Variants in AGPAT5 observed in about 807,000 individuals in gnomAD.
AGPAT5 encodes 1-acylglycerol-3-phosphate O-acyltransferase 5, also known as 1-acyl-sn-glycerol-3-phosphate acyltransferase epsilon.
Under a neutral mutation model 45.6 loss-of-function variants are expected in AGPAT5, and 46 were observed. The observed-to-expected ratio is 1.01, with a 90% confidence interval of 0.80 to 1.29. The LOEUF is 1.29. Ranked by LOEUF, AGPAT5 falls within the 50% of genes most tolerant of loss-of-function variation. The probability of loss-of-function intolerance (pLI) is 0.00; values close to 1 mark genes in which losing one functional copy is unlikely to be tolerated. For missense variants in AGPAT5, 673 were observed against 450.7 expected (o/e 1.49, Z -4.47); for synonymous variants, 272 against 167.0 (o/e 1.63, Z -4.85).
intron 5 of AGPAT5, among the ~76,000 whole-genome samples, chr8:6,742,232 G>C (rs576340507): frequency 4.4e-4 from 67 of 152,276 alleles, no homozygotes; most frequent in African/African-American, 1.6e-3. Flanking sequence ...AAATCTGTGT[G>C]AGGATTAGAT....
At chr8:6,742,174 G>A (rs1801263938) in intron 5 of AGPAT5, among the ~76,000 whole-genome samples, 1 of 152,114 alleles carries the variant, frequency 6.6e-6, no homozygotes. Context: ...ATGTTGCTGA[G>A]CTTGCTTCTT....
In AGPAT5 at chr8:6,757,377, A is replaced by G. The variant is rs776625931; in HGVS notation, c.1084A>G (p.Ile362Val). Reference sequence around the variant, plus strand: ...CCTACTTGGCTGCCTGTGGGTTACTATTAAAGCATAGACAAGTAGCTGTCT... The same window carrying G: ...CCTACTTGGCTGCCTGTGGGTTACTGTTAAAGCATAGACAAGTAGCTGTCT... Reference protein sequence around the residue: ...GTLLGCLWVTIKA With the variant: ...GTLLGCLWVTVKA Residue 362 changes from isoleucine (I) to valine (V), a missense_variant, in exon 8 of 8, where the codon ATT (isoleucine) becomes GTT (valine). Physicochemically the swap from Ile to Val is conservative, Grantham distance 29. Coordinates refer to ENST00000285518, the MANE Select transcript of AGPAT5 (RefSeq NM_018361.5). 2.0e-5 allele frequency: 33 copies of G among 1,613,932 alleles called. No homozygotes were observed. In the South Asian group the frequency reaches 2.6e-4, roughly 13 times the overall value.
In AGPAT5 at chr8:6,716,547, T is replaced by G. The variant is rs368744643; in HGVS notation, c.219+7660T>G. Among the ~76,000 whole-genome samples, 307 of 150,868 alleles carry G rather than the reference T, an allele frequency of 2.0e-3. 11 individuals carry two copies. In the South Asian group the frequency reaches 0.061, roughly 30 times the overall value. On this transcript the variant is annotated intron_variant, in intron 1 of 7. Coordinates refer to ENST00000285518, the MANE Select transcript of AGPAT5 (RefSeq NM_018361.5). Reference sequence around the variant, plus strand: ...ACCCTGTCTCAAAAGAAAAAAAAGGTAAAAGGGCCAGGTGCGGAGGCTCAC... The same window carrying G: ...ACCCTGTCTCAAAAGAAAAAAAAGGGAAAAGGGCCAGGTGCGGAGGCTCAC...
rs1038162999 is a variant in AGPAT5, at chr8:6,758,750, G to A, written c.*1362G>A. The A allele has an allele frequency of 6.5e-6, 1 of 152,752 alleles. No homozygotes were observed. Among genetic ancestry groups the A allele is most frequent in the South Asian group, 2.1e-4 (1 of 4,830 alleles). The allele number at this position is 152,752 out of a possible 1,614,324, so 9.5% of individuals were successfully genotyped here. ...TTAGCCATGGAACAATATATCCCAT[G>A]GGAGAAGACCTTTCAGTGTGAACTG... On this transcript the variant is annotated 3_prime_UTR_variant, in exon 8 of 8. Coordinates refer to ENST00000285518, the MANE Select transcript of AGPAT5 (RefSeq NM_018361.5).
rs1261244875 is a variant in AGPAT5 at position 6,730,515 on chromosome 8, A to G, written c.290-196A>G. On this transcript the variant is annotated intron_variant, in intron 2 of 7. Transcript: ENST00000285518. ...CCGGCTAATTTTTTGTATTTTTAGT[A>G]GAGACGGGGTTTCACCGTGTTAGCC... 7.8e-5 allele frequency among the ~76,000 whole-genome samples: 3 copies of G among 38,608 alleles called. 1 individual carries two copies. Among genetic ancestry groups the G allele is most frequent in the Non-Finnish European group, 1.2e-4 (3 of 25,138 alleles). 25.3% of individuals were successfully genotyped at this position (38,608 alleles called of 152,430 possible).
At chr8:6,744,973 A>G (rs1326917526) in intron 5 of AGPAT5, among the ~76,000 whole-genome samples, 2 of 152,224 alleles carry the variant, frequency 1.3e-5, no homozygotes, top group East Asian at 3.8e-4. Context: ...CAGCCGAGCC[A>G]AGTCTGTGTG....
intron 1 of AGPAT5, chr8:6,709,394 A>G (rs1253861353): frequency 1.3e-5 from 2 of 158,462 alleles, no homozygotes; most frequent in Admixed American, 6.1e-5. Flanking sequence ...GCCTAACTAG[A>G]TACATTTCTT....
chr8:6,741,691 A>G lies in AGPAT5; in HGVS notation c.526A>G (p.Arg176Gly), dbSNP rs201487623. The G allele has an allele frequency of 1.2e-6, 2 of 1,611,328 alleles. No individual in the cohort carries two copies. The highest frequency in any genetic ancestry group is 1.7e-6 in the Non-Finnish European group (2 of 1,178,826). ...TCTTGTGATTTTTCCAGAAGGTACAAGGTATAATCCAGAGCAAACAAAAGT... is the reference window on the plus strand; with the variant it reads ...TCTTGTGATTTTTCCAGAAGGTACAGGGTATAATCCAGAGCAAACAAAAGT... Reference protein sequence around the residue: ...MYLVIFPEGTRYNPEQTKVLS... With the variant: ...MYLVIFPEGTGYNPEQTKVLS... Residue 176 changes from arginine to glycine, a missense_variant, in exon 5 of 8, where the codon AGG becomes GGG. Transcript: ENST00000285518.
intron 1 of AGPAT5, among the ~76,000 whole-genome samples, chr8:6,720,596 G>A (rs1800466327): frequency 6.6e-6 from 1 of 152,160 alleles, no homozygotes; most frequent in Non-Finnish European, 1.5e-5. Context: ...TTCTGCCACT[G>A]AGAAGAAGGA....
rs115360685 is a variant in AGPAT5, at chr8:6,734,307, G to C, written c.495+1657G>C. On this transcript the variant is annotated intron_variant, in intron 4 of 7. Coordinates refer to ENST00000285518, the MANE Select transcript of AGPAT5 (RefSeq NM_018361.5). Reference sequence around the variant, plus strand: ...CGCCCCCTCCCTTTTTTCTTTTTGTGTTACATTTTGGATAATTTCTGTTGA... The same window carrying C: ...CGCCCCCTCCCTTTTTTCTTTTTGTCTTACATTTTGGATAATTTCTGTTGA... Among the ~76,000 whole-genome samples, 500 of 143,182 alleles carry C rather than the reference G, an allele frequency of 3.5e-3. 5 individuals carry two copies. Among genetic ancestry groups the C allele is most frequent in the African/African-American group, 0.012 (475 of 39,202 alleles). The allele number at this position is 143,182 out of a possible 152,430, so 93.9% of individuals were successfully genotyped here.
At chr8:6,735,308 G>A (rs2116910435) in intron 4 of AGPAT5, among the ~76,000 whole-genome samples, 1 of 152,278 alleles carries the variant, frequency 6.6e-6, no homozygotes, top group Non-Finnish European at 1.5e-5. Flanking sequence ...CCTTCCCACA[G>A]GGCTGCTTTT....
At chr8:6,710,054 G>C (rs1036972995) in intron 1 of AGPAT5, among the ~76,000 whole-genome samples, 1 of 152,108 alleles carries the variant, frequency 6.6e-6, no homozygotes, top group Non-Finnish European at 1.5e-5. Context: ...TCATGATTAA[G>C]TTTTTACTTC....
chr8:6,731,802 A>G (rs1414376166), intron 3 of AGPAT5, among the ~76,000 whole-genome samples: 2 of 151,682 alleles, frequency 1.3e-5, no homozygotes, highest in African/African-American at 4.8e-5. Context: ...TCTGGAGGCT[A>G]GACATCCAAG....
intron 6 of AGPAT5, among the ~76,000 whole-genome samples, chr8:6,754,324 C>T (rs1176227569): frequency 1.3e-5 from 2 of 152,052 alleles, no homozygotes; most frequent in Non-Finnish European, 2.9e-5. Flanking sequence ...GGCTATTCCA[C>T]AGTAATAATT....
Position 6,730,964 on chromosome 8 carries a change from G to A in AGPAT5, c.405+138G>A, listed in dbSNP as rs1800842903. On this transcript the variant is annotated intron_variant, in intron 3 of 7. Transcript: ENST00000285518. ...GCTCACTGCAGCCTTGACCTCTGGG[G>A]CTCAAGTGAACCTCCTGCCTCTGCC... The A allele has an allele frequency of 1.1e-5, 5 of 468,526 alleles. No individual in the cohort carries two copies. In the Admixed American group the frequency reaches 1.9e-4, roughly 18 times the overall value. 29.0% of individuals were successfully genotyped at this position (468,526 alleles called of 1,614,324 possible).
chr8:6,738,450 C>G (rs934747544), intron 4 of AGPAT5: 1 of 152,132 alleles, frequency 6.6e-6, no homozygotes, highest in African/African-American at 2.4e-5. Flanking sequence ...ATGGCACCCC[C>G]AAACAATTAC....
intron 2 of AGPAT5, among the ~76,000 whole-genome samples, chr8:6,727,692 T>C (rs1800734026): frequency 6.6e-6 from 1 of 152,222 alleles, no homozygotes; most frequent in Admixed American, 6.5e-5. Context: ...GCTATTTGCC[T>C]TTTTAATCTC....
In AGPAT5 at chr8:6,730,318, C is replaced by CTTTTTTTT. The variant is rs1238035929; in HGVS notation, c.290-370_290-363dup. Reference sequence around the variant, plus strand: ...AATTTTAAACATCCTAATCATAGGACTTTTTTTTTTTTTTTTTTTTTTTTT... The same window carrying CTTTTTTTT: ...AATTTTAAACATCCTAATCATAGGACTTTTTTTTTTTTTTTTTTTTTTTTTTTTTTTTT... On this transcript the variant is annotated intron_variant, in intron 2 of 7. Coordinates refer to ENST00000285518, the MANE Select transcript of AGPAT5 (RefSeq NM_018361.5). Among the ~76,000 whole-genome samples, 2 of 29,508 alleles carry CTTTTTTTT rather than the reference C, an allele frequency of 6.8e-5. 1 individual carries two copies. The highest frequency in any genetic ancestry group is 1.0e-4 in the Non-Finnish European group (2 of 19,200). 19.4% of individuals were successfully genotyped at this position (29,508 alleles called of 152,430 possible).
At position 6,730,330 on chromosome 8, in the gene AGPAT5, TTTTTTTTTTTTTTTTTTTG is replaced by T. The variant is rs1372270297; in HGVS notation, c.290-380_290-362del. ...CCTAATCATAGGACTTTTTTTTTTT[TTTTTTTTTTTTTTTTTTTG>T]GAGACGGAGTCTCGCTGTCGCCCAG... is the stretch of plus-strand genomic sequence containing the variant. On this transcript the variant is annotated intron_variant, in intron 2 of 7. Transcript: ENST00000285518. 8.5e-3 allele frequency among the ~76,000 whole-genome samples: 74 copies of T among 8,664 alleles called. 21 individuals carry two copies. The highest frequency in any genetic ancestry group is 0.029 in the Admixed American group (17 of 594). 5.7% of individuals were successfully genotyped at this position (8,664 alleles called of 152,430 possible).
Sources: allele counts gnomAD v4.1 joint callset (sites outside exome capture counted in the v4.1 genomes callset), GRCh38; gene constraint gnomAD v4.1.1; transcripts MANE v1.5; gene names NCBI Gene and HGNC (gene_info 2026-07-23, HGNC 2026-07-21).